The following GRIN2A variants were observed in gnomAD, a reference collection of about 807,000 sequenced individuals.
GRIN2A encodes glutamate ionotropic receptor NMDA type subunit 2A, also known as glutamate receptor ionotropic, NMDA 2A.
A neutral mutation model predicts 113.4 loss-of-function variants in GRIN2A; 22 were observed. The observed-to-expected ratio is 0.19, with a 90% CI of 0.14 to 0.28. GRIN2A has a LOEUF of 0.28. Ranked by LOEUF, GRIN2A falls within the 10% of genes least tolerant of loss-of-function variation. The probability of loss-of-function intolerance (pLI) is 1.00; values close to 1 mark genes in which losing one functional copy is unlikely to be tolerated. For synonymous variants in GRIN2A, 827 were observed against 738.4 expected (o/e 1.12, Z -1.94); for missense variants, 1,502 against 1,887.0 (o/e 0.80, Z 3.78).
chr16:10,085,794 T>A lies in GRIN2A; in HGVS notation c.414+94204A>T, dbSNP rs1459858216. On this transcript the variant is annotated intron_variant, in intron 2 of 12. Coordinates refer to ENST00000330684, the MANE Select transcript of GRIN2A (RefSeq NM_001134407.3). Reference sequence around the variant, plus strand: ...CTGGTTATGGCTAGGAACTCAGTTTTCAAGGTTTCTCTGGGATCCCCCTGG... The same window carrying A: ...CTGGTTATGGCTAGGAACTCAGTTTACAAGGTTTCTCTGGGATCCCCCTGG... Among the ~76,000 whole-genome samples, 13 of 152,332 alleles carry A rather than the reference T, an allele frequency of 8.5e-5. No homozygotes were observed. In the East Asian group the frequency reaches 2.5e-3, roughly 29 times the overall value.
chr16:10,095,579 G>T (rs1051040124), intron 2 of GRIN2A, among the ~76,000 whole-genome samples: 3 of 152,122 alleles, frequency 2.0e-5, no homozygotes, highest in Non-Finnish European at 2.9e-5. Flanking sequence ...TAAGGAATAG[G>T]ATATTTATAT....
intron 11 of GRIN2A, among the ~76,000 whole-genome samples, chr16:9,776,527 A>C (rs1191005983): frequency 1.3e-5 from 2 of 152,102 alleles, no homozygotes; most frequent in African/African-American, 2.4e-5. Flanking sequence ...AAGTTTGAGA[A>C]GCCCCAGGCA....
At chr16:9,933,222 T>C (rs1406116673) in intron 3 of GRIN2A, among the ~76,000 whole-genome samples, 1 of 152,184 alleles carries the variant, frequency 6.6e-6, no homozygotes, top group Admixed American at 6.5e-5. Context: ...TCCTGTACTT[T>C]TTTTTGCCTG....
intron 2 of GRIN2A, among the ~76,000 whole-genome samples, chr16:10,043,972 CAT>C (rs113409737): frequency 0.27 from 36,926 of 138,904 alleles, 5,284 homozygotes; most frequent in Middle Eastern, 0.42. Context: ...TACACACACA[CAT>C]ATATATATAC....
At chr16:10,076,640 G>C (rs13331168) in intron 2 of GRIN2A, among the ~76,000 whole-genome samples, 21,221 of 152,090 alleles carry the variant, frequency 0.14, 1,991 homozygotes, top group African/African-American at 0.27. Flanking sequence ...ACACAAGGAG[G>C]AAAAGACCCA....
At position 10,164,370 on chromosome 16, in the gene GRIN2A, C is replaced by T. The variant is rs115093669; in HGVS notation, c.414+15628G>A. 2.9e-3 allele frequency among the ~76,000 whole-genome samples: 436 copies of T among 152,292 alleles called. 2 individuals are homozygous for T. Among genetic ancestry groups the T allele is most frequent in the African/African-American group, 6.9e-3 (287 of 41,550 alleles). Reference sequence around the variant, plus strand: ...TCATCTGTCATTGGGTCAGGGTCTGCGGGACGGACCCCGCAAAACCTCACC... The same window carrying T: ...TCATCTGTCATTGGGTCAGGGTCTGTGGGACGGACCCCGCAAAACCTCACC... On this transcript the variant is annotated intron_variant, in intron 2 of 12. Coordinates refer to ENST00000330684, the MANE Select transcript of GRIN2A (RefSeq NM_001134407.3).
intron 2 of GRIN2A, among the ~76,000 whole-genome samples, chr16:10,095,742 A>G (rs59867656): frequency 0.2 from 29,888 of 152,182 alleles, 3,626 homozygotes; most frequent in East Asian, 0.44. Flanking sequence ...GCAACTTTAC[A>G]GTAGAGACTG....
intron 9 of GRIN2A, among the ~76,000 whole-genome samples, chr16:9,827,200 A>T (rs1157909255): frequency 2.6e-5 from 4 of 152,262 alleles, no homozygotes; most frequent in Non-Finnish European, 5.9e-5. Context: ...CTTTAAAAAC[A>T]TTATACGGCT....
intron 2 of GRIN2A, among the ~76,000 whole-genome samples, chr16:9,944,269 A>G (rs576873322): frequency 2.6e-5 from 4 of 152,308 alleles, no homozygotes; most frequent in African/African-American, 7.2e-5. Context: ...GAGCATTTCA[A>G]CATATTTTAT....
At chr16:10,011,961 A>G (rs2046513724) in intron 2 of GRIN2A, among the ~76,000 whole-genome samples, 1 of 152,186 alleles carries the variant, frequency 6.6e-6, no homozygotes, top group African/African-American at 2.4e-5. Flanking sequence ...AGACCATAGC[A>G]TAGATAAGAG....
chr16:9,757,781 C>G lies in GRIN2A; in HGVS notation c.*5368G>C, dbSNP rs1006191006. The G allele has an allele frequency of 9.1e-6, 2 of 219,984 alleles. No individual in the cohort carries two copies. Among genetic ancestry groups the G allele is most frequent in the Non-Finnish European group, 1.8e-5 (2 of 109,534 alleles). 13.6% of individuals were successfully genotyped at this position (219,984 alleles called of 1,614,324 possible). A position where few individuals can be genotyped will look rare whatever the true frequency, so the allele number is the denominator to read the frequency against. ...AGACGGTCTCTGAGAAAAGTTTTCT[C>G]TTCTAGGAACTTTAAGACAGGGATT... On this transcript the variant is annotated 3_prime_UTR_variant, in exon 13 of 13. Transcript: ENST00000330684.
At chr16:9,781,697 A>G (rs1368100973) in intron 11 of GRIN2A, among the ~76,000 whole-genome samples, 2 of 150,702 alleles carry the variant, frequency 1.3e-5, no homozygotes, top group Non-Finnish European at 2.9e-5. Context: ...GACGCCATAT[A>G]TCAAGACTCC....
intron 3 of GRIN2A, among the ~76,000 whole-genome samples, chr16:9,914,904 G>GTTTTTTTTTTTTTTTTTTTTTT (rs2044212508): frequency 2.1e-5 from 1 of 48,692 alleles, no homozygotes; most frequent in Admixed American, 3.2e-4. Context: ...TGATTATGCA[G>GTTTTTTTTTTTTTTTTTTTTTT]CTTTTTTTTT....
At chr16:9,909,389 G>T (rs2044090129) in intron 3 of GRIN2A, among the ~76,000 whole-genome samples, 1 of 152,216 alleles carries the variant, frequency 6.6e-6, no homozygotes. Context: ...GCCAGCCCTA[G>T]GTTGAGCTGT....
intron 2 of GRIN2A, among the ~76,000 whole-genome samples, chr16:10,066,967 G>T (rs1448261): frequency 0.11 from 16,686 of 152,136 alleles, 1,061 homozygotes; most frequent in African/African-American, 0.16. Flanking sequence ...AAGGACATTC[G>T]GATACATGCT....
At chr16:9,841,772 A>G (rs577989750) in intron 5 of GRIN2A, among the ~76,000 whole-genome samples, 2 of 152,306 alleles carry the variant, frequency 1.3e-5, no homozygotes, top group East Asian at 3.9e-4. Context: ...CATGTAGTAT[A>G]AAAGGAGACA....
intron 2 of GRIN2A, among the ~76,000 whole-genome samples, chr16:9,955,310 G>A (rs376554222): frequency 6.6e-6 from 1 of 152,252 alleles, no homozygotes; most frequent in East Asian, 1.9e-4. Context: ...CCACCACAGA[G>A]ACTTTGCTTG....
intron 2 of GRIN2A, among the ~76,000 whole-genome samples, chr16:10,051,935 A>T (rs1231658456): frequency 6.6e-6 from 1 of 152,228 alleles, no homozygotes; most frequent in Admixed American, 6.5e-5. Flanking sequence ...CACCATAACA[A>T]TGCATTTTCA....
rs1344693379 is a variant in GRIN2A at position 10,073,410 on chromosome 16, CT to C, written c.414+106587del. 3.3e-5 allele frequency among the ~76,000 whole-genome samples: 5 copies of C among 152,142 alleles called. 1 individual carries two copies. The highest frequency in any genetic ancestry group is 3.3e-4 in the Admixed American group (5 of 15,272). ...CATGCTGATATCACGCAGGGTTGGT[CT>C]GGGGAAGGGATTCTGAAGCCAGGGG... On this transcript the variant is annotated intron_variant, in intron 2 of 12. Coordinates refer to ENST00000330684, the MANE Select transcript of GRIN2A (RefSeq NM_001134407.3).
Sources: gnomAD v4.1 joint callset for allele counts (sites outside exome capture counted in the v4.1 genomes callset) on GRCh38, gnomAD v4.1.1 for gene constraint, MANE v1.5 for transcripts, NCBI Gene and HGNC (gene_info 2026-07-23, HGNC 2026-07-21) for gene names.